PCDHA9: variants seen among roughly 807,000 people sequenced by gnomAD.
The protein encoded by PCDHA9 is protocadherin alpha 9, also known as protocadherin alpha-9.
In PCDHA9, 62 loss-of-function variants were observed where a neutral mutation model predicts 62.0. The ratio of observed to expected loss-of-function variants is 1.00; its 90% confidence interval spans 0.81 to 1.23. The LOEUF is 1.23. Among genes scored for constraint, PCDHA9 ranks in the 50% most tolerant of loss-of-function variants. PCDHA9 has a pLI of 0.00. For missense variants in PCDHA9, 1,205 were observed against 1,249.8 expected (o/e 0.96, Z 0.54); for synonymous variants, 557 against 567.6 (o/e 0.98, Z 0.27).
chr5:140,930,494 A>T (rs1238249815), intron 1 of PCDHA9: 3 of 152,500 alleles, frequency 2.0e-5, no homozygotes, highest in Admixed American at 6.6e-5. Flanking sequence ...AAGTGCTGGG[A>T]TTACAGGCAT....
At chr5:140,966,447 C>G (rs373859357) in intron 1 of PCDHA9, 3 of 425,206 alleles carry the variant, frequency 7.1e-6, no homozygotes, top group Non-Finnish European at 8.2e-6. Flanking sequence ...CTCCCTTTCC[C>G]CCTCCCCCTC....
At chr5:140,915,626 G>GTC (rs57920489) in intron 1 of PCDHA9, among the ~76,000 whole-genome samples, 4,335 of 146,228 alleles carry the variant, frequency 0.03, 91 homozygotes, top group African/African-American at 0.067. Flanking sequence ...GTCTCTTTCT[G>GTC]TCTCTCTCTC....
rs2098419434 is a variant in PCDHA9, at chr5:141,011,100, CT to C, written c.*1164del. ...AAATGATCTCTCTTTCTCTCTCTCT[CT>C]CTCTTTTCTAAGAAACAATTATGTG... On this transcript the variant is annotated 3_prime_UTR_variant, in exon 4 of 4. Coordinates refer to ENST00000532602, the MANE Select transcript of PCDHA9 (RefSeq NM_031857.2). The C allele has an allele frequency of 1.3e-5, 2 of 153,772 alleles. No individual in the cohort carries two copies. Among genetic ancestry groups the C allele is most frequent in the Admixed American group, 6.5e-5 (1 of 15,290 alleles). The allele number at this position is 153,772 out of a possible 1,614,324, so 9.5% of individuals were successfully genotyped here.
Position 140,849,708 on chromosome 5 carries a change from T to C in PCDHA9, c.1213T>C (p.Tyr405His), listed in dbSNP as rs2150445968. Residue 405 changes from tyrosine to histidine, a missense_variant, in exon 1 of 4, where the codon TAC becomes CAC. Around this residue, in one of 3 missense-constraint regions of PCDHA9, gnomAD observed 887 missense variants for 809.5 expected, o/e 1.10. Transcript: ENST00000532602. The stretch of plus-strand genomic sequence containing the variant: ...GCTGGTGTCCACCTACAAGAATTAC[T>C]ACTCGTTGGTGCTGGACAGAGCTCT... The part of the protein sequence containing the change: ...FKLVSTYKNY[Y>H]SLVLDRALDR... 6.3e-7 allele frequency: 1 copy of C among 1,598,586 alleles called. No homozygotes were observed. Among genetic ancestry groups the C allele is most frequent in the East Asian group, 2.2e-5 (1 of 44,842 alleles).
At chr5:140,895,994 A>G (rs1554186774) in intron 1 of PCDHA9, among the ~76,000 whole-genome samples, 1 of 152,038 alleles carries the variant, frequency 6.6e-6, no homozygotes, top group Non-Finnish European at 1.5e-5. Context: ...TATTTTAAGT[A>G]GAGACAGGGT....
chr5:140,856,900 C>A, intron 1 of PCDHA9: 1 of 1,596,130 alleles, frequency 6.3e-7, no homozygotes, highest in Non-Finnish European at 8.6e-7. Flanking sequence ...GCTCTTTGGT[C>A]CCACCCACGA....
chr5:140,930,917 G>A (rs528997377), intron 1 of PCDHA9, among the ~76,000 whole-genome samples: 3 of 152,272 alleles, frequency 2.0e-5, no homozygotes, highest in African/African-American at 7.2e-5. Context: ...TACTTTAGAT[G>A]TGTATATGTG....
At chr5:140,995,571 T>A (rs2097689586) in intron 3 of PCDHA9, among the ~76,000 whole-genome samples, 1 of 152,252 alleles carries the variant, frequency 6.6e-6, no homozygotes, top group Admixed American at 6.5e-5. Flanking sequence ...TATGTCAAGA[T>A]GAGCTATGAG....
chr5:141,002,941 C>G (rs964416301), intron 3 of PCDHA9, among the ~76,000 whole-genome samples: 18 of 152,216 alleles, frequency 1.2e-4, no homozygotes, highest in African/African-American at 4.1e-4. Flanking sequence ...CACCCTCCAG[C>G]ACATGCCCCT....
At chr5:140,990,114 A>G (rs1392233617) in intron 3 of PCDHA9, among the ~76,000 whole-genome samples, 9 of 151,936 alleles carry the variant, frequency 5.9e-5, no homozygotes, top group Admixed American at 4.6e-4. Flanking sequence ...GGAAATTGAG[A>G]GCTCTGTAGA....
At chr5:140,884,396 C>A (rs2060144550) in intron 1 of PCDHA9, 2 of 1,614,012 alleles carry the variant, frequency 1.2e-6, no homozygotes, top group Middle Eastern at 1.6e-4. Flanking sequence ...GGTGTCCAGC[C>A]TGTTGGTGCT....
intron 1 of PCDHA9, among the ~76,000 whole-genome samples, chr5:140,908,191 G>A (rs548195405): frequency 2.6e-5 from 4 of 152,244 alleles, no homozygotes; most frequent in African/African-American, 9.6e-5. Flanking sequence ...TTCAGGTGGT[G>A]GACATATCAT....
At chr5:140,957,289 C>T (rs1235564629) in intron 1 of PCDHA9, among the ~76,000 whole-genome samples, 1 of 152,162 alleles carries the variant, frequency 6.6e-6, no homozygotes, top group Non-Finnish European at 1.5e-5. Context: ...CCTGCAGTTT[C>T]ACTCTGAGCA....
At chr5:140,907,517 G>C (rs1174112923) in intron 1 of PCDHA9, among the ~76,000 whole-genome samples, 1 of 152,192 alleles carries the variant, frequency 6.6e-6, no homozygotes, top group Non-Finnish European at 1.5e-5. Flanking sequence ...TTCCAGTGAG[G>C]ACAAATCGCT....
chr5:140,962,107 G>A (rs1010906038), intron 1 of PCDHA9, among the ~76,000 whole-genome samples: 20 of 151,860 alleles, frequency 1.3e-4, no homozygotes, highest in African/African-American at 4.4e-4. Flanking sequence ...GGATGGTCTC[G>A]ATCTCCTAAC....
chr5:140,921,932 T>C (rs1249285993), intron 1 of PCDHA9, among the ~76,000 whole-genome samples: 1 of 152,080 alleles, frequency 6.6e-6, no homozygotes, highest in Non-Finnish European at 1.5e-5. Context: ...ATAGTCAATA[T>C]AATTTTACAC....
rs1428126460 is a variant in PCDHA9 at position 140,848,665 on chromosome 5, C to T, written c.170C>T (p.Ala57Val). Residue 57 changes from alanine to valine, a missense_variant, in exon 1 of 4, where the codon GCG (alanine) becomes GTG (valine). By Grantham distance (64) the Ala-to-Val change is moderately conservative (BLOSUM62 0). Coordinates refer to ENST00000532602, the MANE Select transcript of PCDHA9 (RefSeq NM_031857.2). ...GCGCAGGACCTGGGGCTGGAGCTGG[C>T]GGAGCTGGTGCCGCGCCTGTTCCAG... Reference protein sequence around the residue: ...RIAQDLGLELAELVPRLFQLD... With the variant: ...RIAQDLGLELVELVPRLFQLD... 1.9e-6 allele frequency: 3 copies of T among 1,592,226 alleles called. 1 individual carries two copies. The highest frequency in any genetic ancestry group is 2.6e-6 in the Non-Finnish European group (3 of 1,163,404).
intron 1 of PCDHA9, chr5:140,870,919 CT>C (rs1562653796): frequency 5.6e-6 from 9 of 1,613,952 alleles, no homozygotes; most frequent in Non-Finnish European, 7.6e-6. Flanking sequence ...CAACGCGTGG[CT>C]TTCATATGAA....
chr5:141,009,062 A>G (rs1466818539), intron 3 of PCDHA9, among the ~76,000 whole-genome samples: 1 of 152,240 alleles, frequency 6.6e-6, no homozygotes, highest in East Asian at 1.9e-4. Context: ...TCACAACTGT[A>G]TTCTTTAGGA....
Sources: allele counts gnomAD v4.1 joint callset (sites outside exome capture counted in the v4.1 genomes callset), GRCh38; gene constraint gnomAD v4.1.1; regional missense constraint gnomAD v4.1.1; transcripts MANE v1.5; gene names NCBI Gene and HGNC (gene_info 2026-07-23, HGNC 2026-07-21).